GRIK1: variants seen among roughly 807,000 people sequenced by gnomAD.
The protein encoded by GRIK1 is glutamate receptor ionotropic, kainate 1.
In GRIK1, 69 loss-of-function variants were observed where a neutral mutation model predicts 105.7. The observed-to-expected ratio is 0.65, with a 90% CI of 0.54 to 0.80. The LOEUF (loss-of-function observed/expected upper bound fraction) is 0.80, where lower values mean the gene tolerates loss of function less well. Ranked by LOEUF, GRIK1 falls within the 30% of genes least tolerant of loss-of-function variation. The pLI is 0.00. For missense variants in GRIK1, 1,109 were observed against 1,167.3 expected (o/e 0.95, Z 0.73); for synonymous variants, 438 against 431.3 (o/e 1.02, Z -0.19).
chr21:29,907,933 T>C (rs2070700262), intron 1 of GRIK1, among the ~76,000 whole-genome samples: 1 of 152,268 alleles, frequency 6.6e-6, no homozygotes, highest in Non-Finnish European at 1.5e-5. Flanking sequence ...TAAGTTTTAC[T>C]ATTGTTTTGG....
At chr21:29,692,387 TA>T (rs1170581021) in intron 2 of GRIK1, among the ~76,000 whole-genome samples, 3 of 152,214 alleles carry the variant, frequency 2.0e-5, no homozygotes, top group African/African-American at 7.2e-5. Context: ...GATCTATCTC[TA>T]CATTATAGAG....
intron 7 of GRIK1, among the ~76,000 whole-genome samples, chr21:29,634,919 G>A (rs2062364623): frequency 6.6e-6 from 1 of 152,118 alleles, no homozygotes. Context: ...TTCGTAAAGG[G>A]TAGAATACCT....
chr21:29,792,077 T>A (rs1277665915), intron 1 of GRIK1, among the ~76,000 whole-genome samples: 1 of 152,200 alleles, frequency 6.6e-6, no homozygotes, highest in Non-Finnish European at 1.5e-5. Context: ...AACCCATTTG[T>A]AAATTGGAAA....
At chr21:29,625,544 G>A (rs1198638349) in intron 7 of GRIK1, among the ~76,000 whole-genome samples, 1 of 152,154 alleles carries the variant, frequency 6.6e-6, no homozygotes, top group Non-Finnish European at 1.5e-5. Context: ...CAAAGCTGAG[G>A]CCAACCCTCA....
Position 29,882,188 on chromosome 21 carries a change from T to A in GRIK1, c.118+57195A>T, listed in dbSNP as rs560225952. 2.6e-5 allele frequency among the ~76,000 whole-genome samples: 4 copies of A among 152,128 alleles called. No homozygotes were observed. The South Asian group carries it at 8.3e-4, about 32-fold the overall frequency. On this transcript the variant is annotated intron_variant, in intron 1 of 17. Transcript: ENST00000327783. ...AGGAAGAGATGGGACTTTTGGGTGG[T>A]TTTACTGTTTGGAAAATGAGTTTTG...
At chr21:29,692,336 T>G (rs1381369035) in intron 2 of GRIK1, among the ~76,000 whole-genome samples, 5 of 152,148 alleles carry the variant, frequency 3.3e-5, no homozygotes, top group African/African-American at 1.2e-4. Context: ...TGCATAGGTG[T>G]ATGTGTGTAA....
intron 1 of GRIK1, among the ~76,000 whole-genome samples, chr21:29,928,812 T>C (rs193025118): frequency 6.6e-6 from 1 of 152,328 alleles, no homozygotes; most frequent in Non-Finnish European, 1.5e-5. Flanking sequence ...TACACCCCAG[T>C]GGACGTCCTG....
chr21:29,586,630 CTG>C (rs2091136021), intron 12 of GRIK1, among the ~76,000 whole-genome samples: 1 of 152,142 alleles, frequency 6.6e-6, no homozygotes, highest in Admixed American at 6.5e-5. Flanking sequence ...GATAAAATAA[CTG>C]TTTCAAATTT....
intron 1 of GRIK1, among the ~76,000 whole-genome samples, chr21:29,772,210 G>C (rs1447701018): frequency 6.6e-6 from 1 of 151,918 alleles, no homozygotes. Flanking sequence ...ATACGTCTTG[G>C]TCCATAGGTA....
chr21:29,792,141 C>G (rs1458904482), intron 1 of GRIK1, among the ~76,000 whole-genome samples: 1 of 151,630 alleles, frequency 6.6e-6, no homozygotes, highest in Non-Finnish European at 1.5e-5. Context: ...GTATATATGT[C>G]TATGTATTGT....
At chr21:29,718,070 ATG>A (rs1166323967) in intron 1 of GRIK1, among the ~76,000 whole-genome samples, 2 of 152,138 alleles carry the variant, frequency 1.3e-5, no homozygotes, top group African/African-American at 4.8e-5. Context: ...GTGAAGAAGG[ATG>A]TGTTTGCTGC....
intron 7 of GRIK1, among the ~76,000 whole-genome samples, chr21:29,603,362 A>G (rs1048645218): frequency 3.3e-5 from 5 of 152,044 alleles, no homozygotes; most frequent in Non-Finnish European, 7.4e-5. Flanking sequence ...ACTTCTTCAG[A>G]TCCTAGTACC....
intron 6 of GRIK1, among the ~76,000 whole-genome samples, chr21:29,650,260 T>C (rs377071979): frequency 1.3e-5 from 2 of 152,200 alleles, no homozygotes; most frequent in Non-Finnish European, 1.5e-5. Flanking sequence ...CTCTGTGAGA[T>C]GTTGGGTAAA....
At chr21:29,677,395 T>C (rs896729325) in intron 3 of GRIK1, among the ~76,000 whole-genome samples, 2 of 151,764 alleles carry the variant, frequency 1.3e-5, no homozygotes, top group Non-Finnish European at 2.9e-5. Context: ...AAGAAGGCTG[T>C]TTTTTTTCAC....
At chr21:29,888,710 C>T (rs981499549) in intron 1 of GRIK1, among the ~76,000 whole-genome samples, 3 of 152,202 alleles carry the variant, frequency 2.0e-5, no homozygotes, top group African/African-American at 4.8e-5. Context: ...TGCAGCATTG[C>T]AACAGCCTGA....
intron 1 of GRIK1, among the ~76,000 whole-genome samples, chr21:29,868,018 CAG>C (rs1353783116): frequency 4.1e-5 from 5 of 122,948 alleles, no homozygotes; most frequent in Non-Finnish European, 5.0e-5. Flanking sequence ...AAAGAAAAGA[CAG>C]AAAGAAAGGA....
intron 1 of GRIK1, among the ~76,000 whole-genome samples, chr21:29,768,212 T>C (rs2065723959): frequency 6.6e-6 from 1 of 152,180 alleles, no homozygotes; most frequent in Admixed American, 6.5e-5. Context: ...ACTTGGGTGC[T>C]AATTCTGGGT....
At chr21:29,902,847 A>C (rs1179339364) in intron 1 of GRIK1, among the ~76,000 whole-genome samples, 1 of 152,194 alleles carries the variant, frequency 6.6e-6, no homozygotes, top group Non-Finnish European at 1.5e-5. Context: ...AAGAAGAACA[A>C]AGCTGGAGGC....
chr21:29,690,815 G>A (rs922366054), intron 2 of GRIK1, among the ~76,000 whole-genome samples: 1 of 152,126 alleles, frequency 6.6e-6, no homozygotes, highest in African/African-American at 2.4e-5. Context: ...GGGATAAAAA[G>A]GCTCTGGGAT....
Sources: allele counts gnomAD v4.1 joint callset (sites outside exome capture counted in the v4.1 genomes callset), GRCh38; gene constraint gnomAD v4.1.1; transcripts MANE v1.5; gene names NCBI Gene and HGNC (gene_info 2026-07-23, HGNC 2026-07-21).